The following GLIS3 variants were observed in gnomAD, a reference collection of about 807,000 sequenced individuals.
GLIS3 encodes zinc finger protein GLIS3.
GLIS3 carries 53 observed loss-of-function variants against 78.6 expected under a neutral mutation model. That is an observed-to-expected ratio of 0.67 (90% CI 0.54 to 0.85). The LOEUF (loss-of-function observed/expected upper bound fraction) is 0.85, where lower values mean the gene tolerates loss of function less well. Among genes scored for constraint, GLIS3 ranks in the 40% least tolerant of loss-of-function variants. The pLI is 0.00. For missense variants in GLIS3, 1,703 were observed against 1,231.1 expected (o/e 1.38, Z -5.74); for synonymous variants, 684 against 509.9 (o/e 1.34, Z -4.60).
At chr9:3,882,549 G>C (rs1821803154) in intron 7 of GLIS3, among the ~76,000 whole-genome samples, 1 of 152,170 alleles carries the variant, frequency 6.6e-6, no homozygotes, top group Non-Finnish European at 1.5e-5. Context: ...GGGCACACGA[G>C]GTGTCAGGTA....
chr9:3,882,991 T>C (rs1054667961), intron 7 of GLIS3, among the ~76,000 whole-genome samples: 3 of 152,178 alleles, frequency 2.0e-5, no homozygotes, highest in Non-Finnish European at 4.4e-5. Flanking sequence ...ATTGTAGACG[T>C]TGCTTGTGAC....
At chr9:4,456,246 G>C in the GLIS3 span, among the ~76,000 whole-genome samples, 9 of 152,210 alleles carry the variant, frequency 5.9e-5, no homozygotes, top group African/African-American at 2.2e-4. Flanking sequence ...CCCTCAGAAA[G>C]TTGTAAATTT....
intron 4 of GLIS3, among the ~76,000 whole-genome samples, chr9:4,063,690 A>G (rs1393023426): frequency 2.6e-5 from 4 of 152,236 alleles, no homozygotes; most frequent in Non-Finnish European, 5.9e-5. Flanking sequence ...AAGAAAACGA[A>G]TGAGACAAAT....
At chr9:4,405,496 C>T in the GLIS3 span, among the ~76,000 whole-genome samples, 37 of 152,088 alleles carry the variant, frequency 2.4e-4, no homozygotes, top group Admixed American at 1.0e-3. Flanking sequence ...TAAATTCCTA[C>T]GCATATACAA....
intron 4 of GLIS3, among the ~76,000 whole-genome samples, chr9:4,070,585 G>T (rs1827509873): frequency 6.6e-6 from 1 of 152,040 alleles, no homozygotes; most frequent in South Asian, 2.1e-4. Flanking sequence ...AGAAAGGAGG[G>T]TGTGTATGTG....
chr9:4,418,204 A>G, the GLIS3 span, among the ~76,000 whole-genome samples: 1 of 152,356 alleles, frequency 6.6e-6, no homozygotes, highest in East Asian at 1.9e-4. Flanking sequence ...TGAAGAAGCT[A>G]TTCTGAAAGT....
At chr9:3,950,450 C>A (rs1347418280) in intron 4 of GLIS3, among the ~76,000 whole-genome samples, 1 of 152,234 alleles carries the variant, frequency 6.6e-6, no homozygotes, top group Non-Finnish European at 1.5e-5. Context: ...TCTCCAGCCT[C>A]ATCTTCACCT....
chr9:4,340,165 A>G (rs1286027309), intron 2 of GLIS3, among the ~76,000 whole-genome samples: 1 of 151,286 alleles, frequency 6.6e-6, no homozygotes, highest in African/African-American at 2.4e-5. Context: ...TACTTTTAAT[A>G]TTTTCTTTCT....
At chr9:4,019,076 T>C (rs569736812) in intron 4 of GLIS3, among the ~76,000 whole-genome samples, 1 of 152,196 alleles carries the variant, frequency 6.6e-6, no homozygotes, top group Non-Finnish European at 1.5e-5. Context: ...AAGCAGGAAG[T>C]TGATGAACAC....
chr9:4,105,649 T>C (rs1206028882), intron 4 of GLIS3, among the ~76,000 whole-genome samples: 1 of 152,228 alleles, frequency 6.6e-6, no homozygotes, highest in African/African-American at 2.4e-5. Flanking sequence ...CATTCATTTT[T>C]TCCGAAGTTC....
At chr9:4,059,283 A>T (rs1826421380) in intron 4 of GLIS3, among the ~76,000 whole-genome samples, 1 of 152,152 alleles carries the variant, frequency 6.6e-6, no homozygotes, top group African/African-American at 2.4e-5. Context: ...GCTTTAAAGC[A>T]CAGGAGGCTG....
intron 4 of GLIS3, among the ~76,000 whole-genome samples, chr9:4,018,352 A>T (rs369306492): frequency 6.6e-6 from 1 of 152,172 alleles, no homozygotes; most frequent in Non-Finnish European, 1.5e-5. Flanking sequence ...AGGGATGCAC[A>T]TATCTGTCCC....
At chr9:4,186,464 T>C (rs936623729) in intron 2 of GLIS3, among the ~76,000 whole-genome samples, 1 of 151,942 alleles carries the variant, frequency 6.6e-6, no homozygotes, top group African/African-American at 2.4e-5. Flanking sequence ...AACATATGTG[T>C]GCATGTGTCT....
At chr9:4,075,038 A>G (rs147269083) in intron 4 of GLIS3, among the ~76,000 whole-genome samples, 62 of 151,190 alleles carry the variant, frequency 4.1e-4, no homozygotes, top group Non-Finnish European at 4.9e-4. Flanking sequence ...AGTAGCTACC[A>G]TAGGAAGAAA....
chr9:4,084,096 G>C (rs1425801066), intron 4 of GLIS3, among the ~76,000 whole-genome samples: 2 of 152,042 alleles, frequency 1.3e-5, no homozygotes, highest in South Asian at 2.1e-4. Flanking sequence ...TTCCAGGTCT[G>C]TTTTTAAAAA....
intron 2 of GLIS3, among the ~76,000 whole-genome samples, chr9:4,193,966 G>A (rs1027734722): frequency 4.6e-5 from 7 of 152,194 alleles, no homozygotes; most frequent in African/African-American, 1.4e-4. Flanking sequence ...TGGCAGTAAC[G>A]GCAACATCTT....
chr9:4,118,999 C>A lies in GLIS3; in HGVS notation c.597-118G>T. ...ATCCCTTAAGTATTTCCCCTAATTACATTCTGTGCTAAACACACATTCTTG... is the reference window on the plus strand; with the variant it reads ...ATCCCTTAAGTATTTCCCCTAATTAAATTCTGTGCTAAACACACATTCTTG... On this transcript the variant is annotated intron_variant, in intron 3 of 10. Transcript: ENST00000381971. This position sits in a 1 kb window ranked among gnomAD's most constrained non-coding sequence, Gnocchi z 4.7. The A allele has an allele frequency of 9.2e-7, 1 of 1,084,102 alleles. No individual in the cohort carries two copies. Among genetic ancestry groups the A allele is most frequent in the African/African-American group, 1.6e-5 (1 of 63,530 alleles). 67.2% of individuals were successfully genotyped at this position (1,084,102 alleles called of 1,614,324 possible).
chr9:4,292,612 T>C (rs1816104711), intron 1 of GLIS3, among the ~76,000 whole-genome samples: 4 of 152,216 alleles, frequency 2.6e-5, no homozygotes, highest in Admixed American at 2.6e-4. Context: ...ATACAAAGCT[T>C]CATTCCTACC....
intron 4 of GLIS3, among the ~76,000 whole-genome samples, chr9:3,985,045 G>C (rs1819626099): frequency 6.6e-6 from 1 of 151,460 alleles, no homozygotes; most frequent in East Asian, 1.9e-4. Flanking sequence ...CCCAGTCTCA[G>C]GTATGTCTTC....
Sources: allele counts gnomAD v4.1 joint callset (sites outside exome capture counted in the v4.1 genomes callset), GRCh38; gene constraint gnomAD v4.1.1; non-coding constraint Gnocchi (gnomAD v3.1); transcripts MANE v1.5; gene names NCBI Gene and HGNC (gene_info 2026-07-23, HGNC 2026-07-21).